ARHGAP15: variants seen among roughly 807,000 people sequenced by gnomAD.
ARHGAP15 encodes the protein Rho GTPase activating protein 15.
A neutral mutation model predicts 63.7 loss-of-function variants in ARHGAP15; 51 were observed. The observed-to-expected ratio is 0.80, with a 90% CI of 0.64 to 1.01. The LOEUF (loss-of-function observed/expected upper bound fraction) is 1.01, where lower values mean the gene tolerates loss of function less well. ARHGAP15 is among the 50% of genes least tolerant of loss of function. ARHGAP15 has a pLI of 0.00. For missense variants in ARHGAP15, 560 were observed against 564.6 expected (o/e 0.99, Z 0.08); for synonymous variants, 191 against 193.8 (o/e 0.99, Z 0.12).
chr2:143,717,882 A>AT (rs1263689405), intron 13 of ARHGAP15, among the ~76,000 whole-genome samples: 9 of 149,910 alleles, frequency 6.0e-5, no homozygotes, highest in South Asian at 2.1e-4. Flanking sequence ...GTTAATATAT[A>AT]TTTTTTAATT....
intron 2 of ARHGAP15, among the ~76,000 whole-genome samples, chr2:143,196,499 A>G (rs1324363212): frequency 2.6e-5 from 4 of 152,062 alleles, no homozygotes; most frequent in African/African-American, 9.7e-5. Flanking sequence ...CTTAATATGC[A>G]GAATATTGTA....
intron 6 of ARHGAP15, among the ~76,000 whole-genome samples, chr2:143,429,758 A>G (rs2105074633): frequency 6.6e-6 from 1 of 152,304 alleles, no homozygotes; most frequent in Admixed American, 6.5e-5. Flanking sequence ...GTCAGAAGAA[A>G]CAGAGTAATT....
intron 11 of ARHGAP15, among the ~76,000 whole-genome samples, chr2:143,566,417 A>G (rs893178400): frequency 2.0e-5 from 3 of 152,076 alleles, no homozygotes; most frequent in African/African-American, 7.2e-5. Flanking sequence ...GGGACACCGG[A>G]AGTACAGCAG....
intron 8 of ARHGAP15, among the ~76,000 whole-genome samples, chr2:143,462,030 A>G (rs569435006): frequency 3.4e-4 from 51 of 152,010 alleles, no homozygotes; most frequent in African/African-American, 1.2e-3. Context: ...GTGCGCAGCT[A>G]CTCGGAGTAG....
At chr2:143,452,631 A>G (rs1048685674) in intron 8 of ARHGAP15, among the ~76,000 whole-genome samples, 1 of 149,850 alleles carries the variant, frequency 6.7e-6, no homozygotes, top group Admixed American at 6.7e-5. Flanking sequence ...CCTTGTAGCA[A>G]GAGTCCTCAA....
chr2:143,223,453 C>G (rs1693079711), intron 4 of ARHGAP15, among the ~76,000 whole-genome samples: 1 of 152,010 alleles, frequency 6.6e-6, no homozygotes, highest in African/African-American at 2.4e-5. Flanking sequence ...CTTAGTTACC[C>G]CTTTAGTCTA....
At chr2:143,202,018 T>C (rs879385822) in intron 2 of ARHGAP15, 116 bp from the exon 3 acceptor site, 219 of 797,344 alleles carry the variant, frequency 2.7e-4, no homozygotes, top group Middle Eastern at 1.8e-3. Context: ...CTTCTCATTT[T>C]ATATCTACTT....
At chr2:143,232,849 C>G (rs569174474) in intron 5 of ARHGAP15, among the ~76,000 whole-genome samples, 1 of 152,194 alleles carries the variant, frequency 6.6e-6, no homozygotes, top group East Asian at 1.9e-4. Flanking sequence ...TTTCTTGCTT[C>G]TTTCACTAAG....
chr2:143,671,231 A>AAGTT (rs2105348781), intron 12 of ARHGAP15, among the ~76,000 whole-genome samples: 1 of 152,232 alleles, frequency 6.6e-6, no homozygotes, highest in Non-Finnish European at 1.5e-5. Context: ...GGTGGTTCAA[A>AAGTT]AGTTAGGCTT....
chr2:143,154,937 A>T (rs1417599752), intron 1 of ARHGAP15, among the ~76,000 whole-genome samples: 1 of 151,874 alleles, frequency 6.6e-6, no homozygotes, highest in Non-Finnish European at 1.5e-5. Context: ...ATGGCAGTGG[A>T]TGAAGGAATT....
intron 6 of ARHGAP15, among the ~76,000 whole-genome samples, chr2:143,413,869 G>T (rs1688550779): frequency 6.6e-6 from 1 of 150,856 alleles, no homozygotes; most frequent in African/African-American, 2.4e-5. Flanking sequence ...CAAAATCTTG[G>T]CTCACATGTT....
chr2:143,506,441 T>C (rs1296761461), intron 9 of ARHGAP15, among the ~76,000 whole-genome samples: 1 of 149,006 alleles, frequency 6.7e-6, no homozygotes, highest in Non-Finnish European at 1.5e-5. Flanking sequence ...ACCTAATTGA[T>C]AAGTTTTAAC....
intron 9 of ARHGAP15, among the ~76,000 whole-genome samples, chr2:143,492,376 T>A (rs1212715322): frequency 1.3e-5 from 2 of 152,182 alleles, no homozygotes; most frequent in Non-Finnish European, 2.9e-5. Context: ...CTCCTCTGCC[T>A]CTTCTCTTCT....
At chr2:143,668,056 A>G (rs898118962) in intron 12 of ARHGAP15, among the ~76,000 whole-genome samples, 7 of 152,026 alleles carry the variant, frequency 4.6e-5, no homozygotes, top group Non-Finnish European at 1.5e-5. Flanking sequence ...ATTTAAAAAA[A>G]AAAGTTGAAG....
intron 10 of ARHGAP15, among the ~76,000 whole-genome samples, chr2:143,520,655 A>G (rs1293989650): frequency 6.6e-6 from 1 of 152,208 alleles, no homozygotes; most frequent in Non-Finnish European, 1.5e-5. Flanking sequence ...TTATAAGTAC[A>G]TTTTTAGGAA....
At chr2:143,197,995 T>C (rs977450460) in intron 2 of ARHGAP15, among the ~76,000 whole-genome samples, 6 of 135,022 alleles carry the variant, frequency 4.4e-5, no homozygotes, top group East Asian at 2.4e-4. Context: ...CACACACACA[T>C]ACACTTATAT....
intron 9 of ARHGAP15, among the ~76,000 whole-genome samples, chr2:143,506,022 C>A (rs1204469979): frequency 6.6e-6 from 1 of 152,184 alleles, no homozygotes; most frequent in Non-Finnish European, 1.5e-5. Flanking sequence ...TATTTGAAAT[C>A]ATTAAGCAGT....
chr2:143,200,187 C>T (rs1692053450), intron 2 of ARHGAP15, among the ~76,000 whole-genome samples: 1 of 152,124 alleles, frequency 6.6e-6, no homozygotes, highest in South Asian at 2.1e-4. Flanking sequence ...CCACTGTTCT[C>T]CAGGGTTTCT....
At chr2:143,731,153 C>T (rs1389382673) in intron 13 of ARHGAP15, among the ~76,000 whole-genome samples, 1 of 151,980 alleles carries the variant, frequency 6.6e-6, no homozygotes, top group African/African-American at 2.4e-5. Context: ...AAACTTGGGA[C>T]TTTCCCAAGT....
Sources: gnomAD v4.1 joint callset for allele counts (sites outside exome capture counted in the v4.1 genomes callset) on GRCh38, gnomAD v4.1.1 for gene constraint, MANE v1.5 for transcripts, NCBI Gene and HGNC (gene_info 2026-07-23, HGNC 2026-07-21) for gene names.